FCER2: variants seen among roughly 807,000 people sequenced by gnomAD.
FCER2 encodes the protein Fc epsilon receptor II, also known as low affinity immunoglobulin epsilon Fc receptor.
In FCER2, 38 loss-of-function variants were observed where a neutral mutation model predicts 49.7. The observed-to-expected ratio is 0.76, with a 90% CI of 0.59 to 1.00. The LOEUF (loss-of-function observed/expected upper bound fraction) is 1.00, where lower values mean the gene tolerates loss of function less well. FCER2 is among the 50% of genes least tolerant of loss of function. The pLI, the probability that FCER2 is intolerant of heterozygous loss-of-function variation, is 0.00. For missense variants in FCER2, 425 were observed against 419.5 expected, an observed-to-expected ratio of 1.01 and a Z score of -0.11; for synonymous variants, 163 against 164.6, an observed-to-expected ratio of 0.99 and a Z score of 0.07.
At chr19:7,700,513 T>A (rs572145227) in intron 1 of FCER2, among the ~76,000 whole-genome samples, 54 of 151,968 alleles carry the variant, frequency 3.6e-4, no homozygotes, top group South Asian at 8.3e-4. Context: ...TGACTTTATT[T>A]ATTTATTTAT....
At chr19:7,698,579 G>A (rs2033078874) in intron 3 of FCER2, 162 bp downstream of exon 3, 3 of 939,212 alleles carry the variant, frequency 3.2e-6, no homozygotes, top group South Asian at 3.1e-5. Flanking sequence ...GGAGGGTGGG[G>A]GATGGGAAAG....
At chr19:7,698,719 A>G (rs369730396) in intron 3 of FCER2, 22 bp downstream of exon 3, 188 of 1,608,944 alleles carry the variant, frequency 1.2e-4, no homozygotes, top group Middle Eastern at 5.2e-4. Flanking sequence ...GGGGGACCAC[A>G]TGGAGCTGGG....
chr19:7,696,518 G>A (rs962832409), intron 8 of FCER2, among the ~76,000 whole-genome samples: 1 of 152,102 alleles, frequency 6.6e-6, no homozygotes, highest in African/African-American at 2.4e-5. Context: ...TTACAGGTGT[G>A]AGCCACCGCG....
Position 7,690,522 on chromosome 19 carries a change from T to C in FCER2, c.505A>G (p.Asn169Asp). 6.2e-7 allele frequency: 1 copy of C among 1,614,066 alleles called. No individual in the cohort carries two copies. Among genetic ancestry groups the C allele is most frequent in the Non-Finnish European group, 8.5e-7 (1 of 1,179,982 alleles). The change falls in exon 9 of 11, where the codon AAT becomes GAT. Residue 169 changes from asparagine to aspartate, a missense_variant. Coordinates refer to ENST00000597921, the MANE Select transcript of FCER2 (RefSeq NM_001220500.2). Reference protein sequence around the residue: ...VCNTCPEKWINFQRKCYYFGK... With the variant: ...VCNTCPEKWIDFQRKCYYFGK... ...AAGTAGTAGCACTTCCGTTGGAAATTGATCCACTTTTCAGGGCACGTGTTG... is the reference window on the plus strand; with the variant it reads ...AAGTAGTAGCACTTCCGTTGGAAATCGATCCACTTTTCAGGGCACGTGTTG...
At chr19:7,694,347 A>G (rs1260479393) in intron 8 of FCER2, among the ~76,000 whole-genome samples, 1 of 152,204 alleles carries the variant, frequency 6.6e-6, no homozygotes, top group Non-Finnish European at 1.5e-5. Context: ...CCTTGGTGAC[A>G]GAACCAGGCC....
intron 8 of FCER2, 75 bp from the exon 9 acceptor site, chr19:7,690,632 A>G (rs2277994): frequency 0.29 from 429,381 of 1,486,002 alleles, 65,361 homozygotes; most frequent in African/African-American, 0.53. Flanking sequence ...AGGTGGCAGC[A>G]CCCCTCCTAG....
chr19:7,698,369 C>T lies in FCER2; in HGVS notation c.177G>A (p.Arg59=), dbSNP rs753255183. The T allele has an allele frequency of 6.2e-7, 1 of 1,612,472 alleles. No individual in the cohort carries two copies. Among genetic ancestry groups the T allele is most frequent in the Non-Finnish European group, 8.5e-7 (1 of 1,178,970 alleles). The change falls in exon 4 of 11, where the codon AGG becomes AGA. Residue 59 remains arginine (R), a synonymous_variant. Transcript: ENST00000597921. ...ACCCCTTCATACCGTTCCGGGCAGC[C>T]CTCTCTTCCAGCTGTTTTAGACTCT... The part of the protein sequence containing the change: ...TTQSLKQLEE[R]AARNVSQVSK...
In FCER2 at chr19:7,697,484, C is replaced by A; in HGVS notation, c.253+43G>T. The A allele has an allele frequency of 3.2e-6, 5 of 1,565,126 alleles. 1 individual carries two copies. In the South Asian group the frequency reaches 4.5e-5, roughly 14 times the overall value. On this transcript the variant is annotated intron_variant, in intron 5 of 10. Coordinates refer to ENST00000597921, the MANE Select transcript of FCER2 (RefSeq NM_001220500.2). ...GGGTCCAGGAAGTCATCCAAGACCCCCTCGCTTTTTCCCCTGCAACCCCAA... is the reference window on the plus strand; with the variant it reads ...GGGTCCAGGAAGTCATCCAAGACCCACTCGCTTTTTCCCCTGCAACCCCAA...
chr19:7,694,110 C>T (rs2032955239), intron 8 of FCER2, among the ~76,000 whole-genome samples: 1 of 152,264 alleles, frequency 6.6e-6, no homozygotes, highest in Non-Finnish European at 1.5e-5. Flanking sequence ...TCAGATTTTT[C>T]TAAGGAGCTT....
chr19:7,698,669 T>C, intron 3 of FCER2, 72 bp downstream of exon 3: 1 of 1,561,976 alleles, frequency 6.4e-7, no homozygotes, highest in Non-Finnish European at 8.7e-7. Flanking sequence ...AGCTCTGAGA[T>C]GGGGGTGAAG....
At chr19:7,692,536 C>T (rs894706159) in intron 8 of FCER2, among the ~76,000 whole-genome samples, 1 of 152,190 alleles carries the variant, frequency 6.6e-6, no homozygotes, top group African/African-American at 2.4e-5. Flanking sequence ...ACTACCAACA[C>T]CAGCACCATG....
At chr19:7,691,304 A>G (rs187651110) in intron 8 of FCER2, among the ~76,000 whole-genome samples, 6 of 152,136 alleles carry the variant, frequency 3.9e-5, no homozygotes, top group Admixed American at 6.6e-5. Flanking sequence ...TAAATCCACC[A>G]CGGCTTGGGA....
chr19:7,695,301 T>C (rs1324310083), intron 8 of FCER2, among the ~76,000 whole-genome samples: 2 of 152,162 alleles, frequency 1.3e-5, no homozygotes, highest in Non-Finnish European at 2.9e-5. Context: ...CCTGCCCTGG[T>C]CAGACAATCT....
At chr19:7,700,708 T>C (rs2033134539) in intron 1 of FCER2, among the ~76,000 whole-genome samples, 1 of 152,078 alleles carries the variant, frequency 6.6e-6, no homozygotes, top group African/African-American at 2.4e-5. Flanking sequence ...AGAGACGGGT[T>C]TTCACTATGT....
intron 5 of FCER2, 93 bp downstream of exon 5, chr19:7,697,434 G>A: frequency 6.9e-7 from 1 of 1,459,040 alleles, no homozygotes; most frequent in South Asian, 1.1e-5. Flanking sequence ...TGTCGGGGGT[G>A]GGGCACAGTG....
intron 8 of FCER2, among the ~76,000 whole-genome samples, chr19:7,692,035 A>G (rs76212638): frequency 9.2e-6 from 1 of 108,418 alleles, no homozygotes; most frequent in Non-Finnish European, 1.8e-5. Context: ...TTCACGTCCA[A>G]CAACACATCA....
chr19:7,692,323 A>G (rs757754527), intron 8 of FCER2, among the ~76,000 whole-genome samples: 1 of 79,832 alleles, frequency 1.3e-5, no homozygotes, highest in Non-Finnish European at 2.4e-5. Flanking sequence ...TTCACGTCCA[A>G]CAACACATCA....
chr19:7,696,531 T>C (rs1289564554), intron 8 of FCER2, among the ~76,000 whole-genome samples: 4 of 152,162 alleles, frequency 2.6e-5, no homozygotes, highest in Non-Finnish European at 5.9e-5. Flanking sequence ...CCACCGCGCC[T>C]GGCCAAGACC....
chr19:7,690,213 T>C lies in FCER2; in HGVS notation c.674A>G (p.Asn225Ser). Reference sequence around the variant, plus strand: ...GATAAACTCCCCCTTCAGGTCCAAGTTCCGAAGGCCAATCCAGGAGCCGGT... The same window carrying C: ...GATAAACTCCCCCTTCAGGTCCAAGCTCCGAAGGCCAATCCAGGAGCCGGT... ...SHTGSWIGLR[N>S]LDLKGEFIWV... Residue 225 changes from asparagine (N) to serine (S), a missense_variant, in exon 10 of 11, where the codon AAC becomes AGC. Coordinates refer to ENST00000597921, the MANE Select transcript of FCER2 (RefSeq NM_001220500.2). 1.2e-6 allele frequency: 2 copies of C among 1,614,032 alleles called. No homozygotes were observed. The highest frequency in any genetic ancestry group is 1.7e-6 in the Non-Finnish European group (2 of 1,179,910).
Sources: allele counts gnomAD v4.1 joint callset (sites outside exome capture counted in the v4.1 genomes callset), GRCh38; gene constraint gnomAD v4.1.1; transcripts MANE v1.5; gene names NCBI Gene and HGNC (gene_info 2026-07-23, HGNC 2026-07-21).